Variants in ADAP1 observed in about 807,000 individuals in gnomAD.
ADAP1 encodes arf-GAP with dual PH domain-containing protein 1.
Under a neutral mutation model 54.9 loss-of-function variants are expected in ADAP1, and 31 were observed. That is an observed-to-expected ratio of 0.56 (90% CI 0.42 to 0.76). ADAP1 has a LOEUF of 0.76. Among genes scored for constraint, ADAP1 ranks in the 30% least tolerant of loss-of-function variants. The pLI is 0.00. For synonymous variants in ADAP1, 313 were observed against 202.6 expected (o/e 1.55, Z -4.63); for missense variants, 535 against 512.4 (o/e 1.04, Z -0.42).
In ADAP1 at chr7:942,312, G is replaced by A. The variant is rs1354219372; in HGVS notation, c.83-6807C>T. Among the ~76,000 whole-genome samples, 3 of 139,712 alleles carry A rather than the reference G, an allele frequency of 2.1e-5. No homozygotes were observed. In the East Asian group the frequency reaches 6.1e-4, roughly 28 times the overall value. 91.7% of individuals were successfully genotyped at this position (139,712 alleles called of 152,430 possible). On this transcript the variant is annotated intron_variant, in intron 1 of 10. Coordinates refer to ENST00000265846, the MANE Select transcript of ADAP1 (RefSeq NM_006869.4). ...GAGGAAGAGAGAGGAGGAGGAGGAAGAGAGGAGGAGGAAGGGAGAGAGGAG... is the reference window on the plus strand; with the variant it reads ...GAGGAAGAGAGAGGAGGAGGAGGAAAAGAGGAGGAGGAAGGGAGAGAGGAG...
At chr7:933,109 A>G (rs1402734228) in intron 2 of ADAP1, among the ~76,000 whole-genome samples, 1 of 151,798 alleles carries the variant, frequency 6.6e-6, no homozygotes, top group African/African-American at 2.4e-5. Context: ...CTTCTCTACT[A>G]AAAATACGAA....
At chr7:925,862 G>A (rs1846366212) in intron 3 of ADAP1, among the ~76,000 whole-genome samples, 1 of 152,232 alleles carries the variant, frequency 6.6e-6, no homozygotes, top group African/African-American at 2.4e-5. Context: ...TGCCCAGTGA[G>A]GCTGGGATTG....
At chr7:903,440 G>A (rs1374576613) in intron 6 of ADAP1, among the ~76,000 whole-genome samples, 1 of 152,174 alleles carries the variant, frequency 6.6e-6, no homozygotes, top group East Asian at 1.9e-4. Flanking sequence ...GGGGTTAGGA[G>A]GGACCTCAAA....
chr7:925,532 C>T (rs1248935542), intron 3 of ADAP1, among the ~76,000 whole-genome samples: 1 of 143,568 alleles, frequency 7.0e-6, no homozygotes, highest in Admixed American at 6.9e-5. Context: ...GACCCCTGAT[C>T]CCACTGCCCC....
chr7:912,025 C>T (rs921779199), intron 4 of ADAP1, among the ~76,000 whole-genome samples: 6 of 152,198 alleles, frequency 3.9e-5, no homozygotes, highest in African/African-American at 1.2e-4. Flanking sequence ...GCCCTCGTGC[C>T]GCACACCATC....
rs1186501518 is a variant in ADAP1 at position 926,481 on chromosome 7, G to A, written c.305+72C>T. 6.7e-6 allele frequency: 9 copies of A among 1,346,194 alleles called. No individual in the cohort carries two copies. Among genetic ancestry groups the A allele is most frequent in the African/African-American group, 1.6e-5 (1 of 63,994 alleles). The allele number at this position is 1,346,194 out of a possible 1,614,324, so 83.4% of individuals were successfully genotyped here. A position where few individuals can be genotyped will look rare whatever the true frequency, so the allele number is the denominator to read the frequency against. On this transcript the variant is annotated intron_variant, in intron 3 of 10. Coordinates refer to ENST00000265846, the MANE Select transcript of ADAP1 (RefSeq NM_006869.4). This position sits in a 1 kb window ranked among gnomAD's most constrained non-coding sequence, Gnocchi z 4.6. ...GCGGCACCCAACTCCCCACCCTGCC[G>A]GGTCCTCCCGGGGCCATCTCGGAGC...
chr7:935,914 A>T (rs1355853835), intron 1 of ADAP1, among the ~76,000 whole-genome samples: 2 of 152,282 alleles, frequency 1.3e-5, no homozygotes, highest in East Asian at 3.9e-4. Context: ...CTCCTGGGTG[A>T]TGGGGCCAAG....
At position 918,342 on chromosome 7, in the gene ADAP1, G is replaced by A. The variant is rs750360026; in HGVS notation, c.388+1626C>T. 3.9e-5 allele frequency among the ~76,000 whole-genome samples: 6 copies of A among 152,260 alleles called. No homozygotes were observed. The South Asian group carries it at 1.0e-3, about 26-fold the overall frequency. On this transcript the variant is annotated intron_variant, in intron 4 of 10. Coordinates refer to ENST00000265846, the MANE Select transcript of ADAP1 (RefSeq NM_006869.4). ...AGGGCTGCTCCTGCCTCAGCCTCCC[G>A]AGCAGCTGGGACTACAGGTGGTGCC... is the stretch of plus-strand genomic sequence containing the variant.
chr7:905,483 A>G (rs1444947589), intron 4 of ADAP1: 2 of 84,204 alleles, frequency 2.4e-5, no homozygotes, highest in Non-Finnish European at 4.3e-5. Context: ...AAGGGAAAGG[A>G]GAAAGGAGAA....
chr7:954,308 C>T (rs1227197405), intron 1 of ADAP1, 88 bp downstream of exon 1: 2 of 988,686 alleles, frequency 2.0e-6, no homozygotes, highest in East Asian at 1.1e-4. Flanking sequence ...CTCCCCCGCC[C>T]GGTCCCCGGG....
At position 920,192 on chromosome 7, in the gene ADAP1, T is replaced by C; in HGVS notation, c.306-142A>G. ...TCGAGCCGCCCCTCTGGGCACAAGA[T>C]CCCGGAAGAAATGCAGGGTCAGCCT... On this transcript the variant is annotated intron_variant, in intron 3 of 10. Transcript: ENST00000265846. The surrounding 1 kb of genome is among the most constrained non-coding windows in gnomAD (Gnocchi z 4.5). 1 of 653,904 alleles carries C rather than the reference T, an allele frequency of 1.5e-6. No homozygotes were observed. Among genetic ancestry groups the C allele is most frequent in the East Asian group, 2.9e-5 (1 of 34,848 alleles). The allele number at this position is 653,904 out of a possible 1,614,324, so 40.5% of individuals were successfully genotyped here.
chr7:900,875 A>AGGACC, intron 6 of ADAP1: 1 of 617,008 alleles, frequency 1.6e-6, no homozygotes, highest in East Asian at 3.4e-5. Context: ...GAAGGGCCGA[A>AGGACC]GGGCCGAAGG....
chr7:927,231 A>G, intron 2 of ADAP1: 1 of 1,267,132 alleles, frequency 7.9e-7, no homozygotes, highest in Non-Finnish European at 1.0e-6. Flanking sequence ...GCCGTGAAGG[A>G]GGGGAGGTGC....
chr7:927,184 C>A (rs768970528), intron 2 of ADAP1: 8 of 1,295,444 alleles, frequency 6.2e-6, no homozygotes, highest in African/African-American at 1.5e-5. Flanking sequence ...GGACCCAGAA[C>A]ATGTTTACGA....
intron 8 of ADAP1, among the ~76,000 whole-genome samples, chr7:899,719 CCCCAGATGGGGG>C (rs1844690429): frequency 1.3e-5 from 2 of 152,096 alleles, no homozygotes; most frequent in African/African-American, 2.4e-5. Context: ...CCTCCCTGGG[CCCCAGATGGGGG>C]CCCAGGCCTC....
chr7:939,830 CAA>C (rs569332179), intron 1 of ADAP1, among the ~76,000 whole-genome samples: 81 of 102,264 alleles, frequency 7.9e-4, no homozygotes, highest in African/African-American at 9.3e-4. Flanking sequence ...GACTTTGTCT[CAA>C]AAAAAAAAAA....
intron 4 of ADAP1, among the ~76,000 whole-genome samples, chr7:909,213 G>GGACGCCGCATTCCAGGGGCAATGA (rs1562917951): frequency 1.5e-5 from 1 of 66,674 alleles, no homozygotes; most frequent in African/African-American, 6.5e-5. Flanking sequence ...GCAGGCGCCA[G>GGACGCCGCATTCCAGGGGCAATGA]CGGGAACCCC....
rs1354287297 is a variant in ADAP1 at position 920,289 on chromosome 7, G to T, written c.306-239C>A. On this transcript the variant is annotated intron_variant, in intron 3 of 10. Transcript: ENST00000265846. The surrounding 1 kb of genome is among the most constrained non-coding windows in gnomAD (Gnocchi z 4.5). The stretch of plus-strand genomic sequence containing the variant: ...GTGCGTTCGGCCCCCGGAGCATCAG[G>T]CCTCACGTTCTGCACAAGCGTTCCC... Among the ~76,000 whole-genome samples the T allele has an allele frequency of 3.3e-5, 5 of 152,094 alleles. No homozygotes were observed. In the East Asian group the frequency reaches 9.7e-4, roughly 29 times the overall value.
intron 8 of ADAP1, 35 bp downstream of exon 8, chr7:900,067 C>T (rs780211372): frequency 6.2e-7 from 1 of 1,611,264 alleles, no homozygotes; most frequent in African/African-American, 1.3e-5. Flanking sequence ...TGGCGTACCC[C>T]AGGCCACCCC....
Sources: allele counts gnomAD v4.1 joint callset (sites outside exome capture counted in the v4.1 genomes callset), GRCh38; gene constraint gnomAD v4.1.1; non-coding constraint Gnocchi (gnomAD v3.1); transcripts MANE v1.5; gene names NCBI Gene and HGNC (gene_info 2026-07-23, HGNC 2026-07-21).